Variants in RCOR1 observed in about 807,000 individuals in gnomAD.
The protein encoded by RCOR1 is REST corepressor 1.
RCOR1 carries 12 observed loss-of-function variants against 64.0 expected under a neutral mutation model. That is an observed-to-expected ratio of 0.19 (90% confidence interval 0.12 to 0.30). RCOR1 has a LOEUF of 0.30. Ranked by LOEUF, RCOR1 falls within the 10% of genes least tolerant of loss-of-function variation. The pLI, the probability that RCOR1 is intolerant of heterozygous loss-of-function variation, is 1.00. For missense variants in RCOR1, 502 were observed against 621.2 expected, an observed-to-expected ratio of 0.81 and a Z score of 2.04; for synonymous variants, 279 against 227.2, an observed-to-expected ratio of 1.23 and a Z score of -2.05.
rs527282104 is a variant in RCOR1 at position 102,652,188 on chromosome 14, G to A, written c.362-29707G>A. Reference sequence around the variant, plus strand: ...CGTTTGCTACTTGTTTTAACTTGCTGTTTAATCTCTTTGAAGAAGGAACTG... The same window carrying A: ...CGTTTGCTACTTGTTTTAACTTGCTATTTAATCTCTTTGAAGAAGGAACTG... On this transcript the variant is annotated intron_variant, in intron 2 of 11. Coordinates refer to ENST00000262241, the MANE Select transcript of RCOR1 (RefSeq NM_015156.4). 2.0e-5 allele frequency among the ~76,000 whole-genome samples: 3 copies of A among 152,268 alleles called. No individual in the cohort carries two copies. The South Asian group carries it at 6.2e-4, about 32-fold the overall frequency.
chr14:102,657,686 A>G (rs1417932618), intron 2 of RCOR1: 5 of 432,408 alleles, frequency 1.2e-5, no homozygotes, highest in Non-Finnish European at 1.5e-5. Context: ...AAAAATACAA[A>G]AATTAGCCGG....
At chr14:102,605,878 T>C (rs914405977) in intron 2 of RCOR1, among the ~76,000 whole-genome samples, 1 of 152,106 alleles carries the variant, frequency 6.6e-6, no homozygotes, top group Non-Finnish European at 1.5e-5. Flanking sequence ...GATGGTGATA[T>C]TGATGATCCT....
At chr14:102,599,215 C>T (rs920058318) in intron 2 of RCOR1, among the ~76,000 whole-genome samples, 97 of 152,070 alleles carry the variant, frequency 6.4e-4, no homozygotes, top group African/African-American at 2.0e-3. Flanking sequence ...CTTGAACCTC[C>T]TGGGCGCACA....
At chr14:102,613,667 G>T (rs1459236041) in intron 2 of RCOR1, among the ~76,000 whole-genome samples, 1 of 150,550 alleles carries the variant, frequency 6.6e-6, no homozygotes, top group African/African-American at 2.4e-5. Flanking sequence ...TGATCCGCCC[G>T]CCTCGGCCTC....
intron 2 of RCOR1, among the ~76,000 whole-genome samples, chr14:102,637,789 T>C (rs1567417320): frequency 6.6e-6 from 1 of 152,136 alleles, no homozygotes; most frequent in Non-Finnish European, 1.5e-5. Flanking sequence ...GTTTTTTCGG[T>C]GATGTCAGTA....
At position 102,714,469 on chromosome 14, in the gene RCOR1, G is replaced by A. The variant is rs765511551; in HGVS notation, c.905G>A (p.Ser302Asn). ...TVPQVKKEKH[S>N]TQAKNRAKRK... ...CCTCAGGTCAAAAAAGAAAAACATA[G>A]CACACAAGCTAAAAATAGAGCAAAA... Residue 302 changes from serine to asparagine, a missense_variant, in exon 8 of 12, where the codon AGC becomes AAC. Ser to Asn is a conservative substitution (Grantham distance 46, BLOSUM62 1). Around this residue, in one of 2 missense-constraint regions of RCOR1, gnomAD observed 260 missense variants for 416.4 expected, o/e 0.62. Coordinates refer to ENST00000262241, the MANE Select transcript of RCOR1 (RefSeq NM_015156.4). The A allele has an allele frequency of 1.2e-6, 2 of 1,613,344 alleles. No individual in the cohort carries two copies.
chr14:102,718,415 C>G (rs1368157326), intron 8 of RCOR1, among the ~76,000 whole-genome samples: 2 of 152,204 alleles, frequency 1.3e-5, no homozygotes, highest in Admixed American at 1.3e-4. Context: ...ACATCATCAA[C>G]CTCTACCAGC....
intron 3 of RCOR1, among the ~76,000 whole-genome samples, chr14:102,700,983 G>C (rs1012038733): frequency 6.6e-6 from 1 of 152,192 alleles, no homozygotes; most frequent in Non-Finnish European, 1.5e-5. Flanking sequence ...GATGGCGGCA[G>C]GCAAAGAGAG....
At chr14:102,714,397 A>G (rs1372478649) in intron 7 of RCOR1, 26 bp from the exon 8 acceptor site, 2 of 1,482,852 alleles carry the variant, frequency 1.3e-6, no homozygotes, top group South Asian at 1.3e-5. Flanking sequence ...TTTAAGTTTC[A>G]TTCATCACCT....
chr14:102,645,170 T>C (rs72702757), intron 2 of RCOR1, among the ~76,000 whole-genome samples: 2,394 of 152,316 alleles, frequency 0.016, 30 homozygotes, highest in Middle Eastern at 0.034. Flanking sequence ...TCCTTGTGTG[T>C]CACCAGCCTT....
chr14:102,700,153 A>G (rs1895728464), intron 3 of RCOR1, among the ~76,000 whole-genome samples: 1 of 152,210 alleles, frequency 6.6e-6, no homozygotes, highest in Non-Finnish European at 1.5e-5. Flanking sequence ...TTACTGCTAG[A>G]CATGTTGTTT....
chr14:102,711,028 T>C lies in RCOR1; in HGVS notation c.858+15T>C. 1 of 1,524,010 alleles carries C rather than the reference T, an allele frequency of 6.6e-7. No homozygotes were observed. The highest frequency in any genetic ancestry group is 9.0e-7 in the Non-Finnish European group (1 of 1,114,368). The allele number at this position is 1,524,010 out of a possible 1,614,324, so 94.4% of individuals were successfully genotyped here. On this transcript the variant is annotated intron_variant, in intron 7 of 11. Coordinates refer to ENST00000262241, the MANE Select transcript of RCOR1 (RefSeq NM_015156.4). The stretch of plus-strand genomic sequence containing the variant: ...GCAAAAAGGAGGTATTTTTTCCCCC[T>C]AGTATTGTTTAGGCGAATAAATTTT...
At chr14:102,662,133 A>G (rs1000647198) in intron 2 of RCOR1, 4 of 362,714 alleles carry the variant, frequency 1.1e-5, no homozygotes, top group Admixed American at 7.3e-5. Flanking sequence ...TACTTCATGT[A>G]TGGTTTTCCC....
chr14:102,726,242 G>T (rs1019223712), intron 11 of RCOR1, among the ~76,000 whole-genome samples: 3 of 151,612 alleles, frequency 2.0e-5, no homozygotes, highest in African/African-American at 7.3e-5. Flanking sequence ...CAGAGGAATC[G>T]CTTGACCCAG....
At position 102,642,215 on chromosome 14, in the gene RCOR1, G is replaced by T. The variant is rs1473662534; in HGVS notation, c.362-39680G>T. Among the ~76,000 whole-genome samples, 4 of 133,726 alleles carry T rather than the reference G, an allele frequency of 3.0e-5. No homozygotes were observed. The Admixed American group carries it at 3.2e-4, about 11-fold the overall frequency. The allele number at this position is 133,726 out of a possible 152,430, so 87.7% of individuals were successfully genotyped here. A position where few individuals can be genotyped will look rare whatever the true frequency, so the allele number is the denominator to read the frequency against. ...CTAATTGAAAGAATACATAGGTAAA[G>T]AAGGAATCTGATAGAAGGAATAAAC... On this transcript the variant is annotated intron_variant, in intron 2 of 11. Coordinates refer to ENST00000262241, the MANE Select transcript of RCOR1 (RefSeq NM_015156.4).
intron 2 of RCOR1, among the ~76,000 whole-genome samples, chr14:102,671,914 T>TA (rs1895038528): frequency 6.6e-6 from 1 of 152,204 alleles, no homozygotes. Context: ...TTCATGTAAA[T>TA]AAAATCATAC....
At chr14:102,597,616 A>G (rs1051090264) in intron 2 of RCOR1, among the ~76,000 whole-genome samples, 7 of 137,500 alleles carry the variant, frequency 5.1e-5, no homozygotes, top group Middle Eastern at 9.2e-3. Flanking sequence ...GGCGTGAGCC[A>G]CTGCGCCCGA....
intron 4 of RCOR1, among the ~76,000 whole-genome samples, chr14:102,706,337 T>A (rs1895860430): frequency 6.6e-6 from 1 of 152,024 alleles, no homozygotes; most frequent in Non-Finnish European, 1.5e-5. Flanking sequence ...AGATTTACAT[T>A]AGTTCCAAAA....
chr14:102,600,300 C>T (rs1398066268), intron 2 of RCOR1, among the ~76,000 whole-genome samples: 1 of 151,808 alleles, frequency 6.6e-6, no homozygotes, highest in Admixed American at 6.6e-5. Flanking sequence ...TGGTCTTGAT[C>T]TCCTGACCTC....
Sources: gnomAD v4.1 joint callset for allele counts (sites outside exome capture counted in the v4.1 genomes callset) on GRCh38, gnomAD v4.1.1 for gene constraint, gnomAD v4.1.1 regional missense constraint, MANE v1.5 for transcripts, NCBI Gene and HGNC (gene_info 2026-07-23, HGNC 2026-07-21) for gene names.